The following TXK variants were observed in gnomAD, a reference collection of about 807,000 sequenced individuals.
TXK encodes TXK tyrosine kinase.
TXK carries 60 observed loss-of-function variants against 81.0 expected under a neutral mutation model. The ratio of observed to expected loss-of-function variants is 0.74; its 90% CI spans 0.60 to 0.92. The LOEUF is 0.92. TXK is among the 40% of genes least tolerant of loss of function. The pLI is 0.00. For synonymous variants in TXK, 203 were observed against 210.7 expected, an observed-to-expected ratio of 0.96 and a Z score of 0.32; for missense variants, 581 against 638.3, an observed-to-expected ratio of 0.91 and a Z score of 0.97.
chr4:48,067,208 A>T lies in TXK; in HGVS notation c.*429T>A, dbSNP rs1453196925. On this transcript the variant is annotated 3_prime_UTR_variant, in exon 15 of 15. Transcript: ENST00000264316. The stretch of plus-strand genomic sequence containing the variant: ...GAAATTCTTCAAGGGAGTCCCCTTT[A>T]TCCCATGAGTTGGAAGAATTTATTT... 6.3e-6 allele frequency: 1 copy of T among 159,886 alleles called. No homozygotes were observed. The highest frequency in any genetic ancestry group is 2.4e-5 in the African/African-American group (1 of 41,542). 9.9% of individuals were successfully genotyped at this position (159,886 alleles called of 1,614,324 possible).
intron 8 of TXK, among the ~76,000 whole-genome samples, chr4:48,093,156 C>A (rs187995540): frequency 6.6e-6 from 1 of 152,302 alleles, no homozygotes; most frequent in East Asian, 1.9e-4. Context: ...AGATATTTTA[C>A]CCTCACTCCT....
intron 9 of TXK, 96 bp downstream of exon 9, chr4:48,089,654 A>C: frequency 9.8e-7 from 1 of 1,022,430 alleles, no homozygotes; most frequent in Non-Finnish European, 1.5e-6. Flanking sequence ...TGCCTCCCAA[A>C]GTGCTAGGAT....
chr4:48,120,172 CGTAT>C (rs1560361747), intron 1 of TXK, among the ~76,000 whole-genome samples: 1 of 33,568 alleles, frequency 3.0e-5, no homozygotes, highest in Non-Finnish European at 6.9e-5. Flanking sequence ...TATGTATATA[CGTAT>C]ATGTGTATAT....
At chr4:48,100,134 A>C (rs1287768419) in intron 6 of TXK, among the ~76,000 whole-genome samples, 2 of 138,480 alleles carry the variant, frequency 1.4e-5, no homozygotes, top group Non-Finnish European at 3.1e-5. Flanking sequence ...ATCGCGCCAC[A>C]GCACTCCCGC....
At chr4:48,077,456 C>T (rs929039324) in intron 11 of TXK, among the ~76,000 whole-genome samples, 4 of 151,238 alleles carry the variant, frequency 2.6e-5, no homozygotes, top group African/African-American at 4.9e-5. Context: ...TCATTGTTCA[C>T]GGACATATTT....
In TXK at chr4:48,106,596, C is replaced by T. The variant is rs1219283895; in HGVS notation, c.447-1641G>A. The stretch of plus-strand genomic sequence containing the variant: ...TGTGAACACCTCTGGTCTCATGTCC[C>T]AATCTTAGATTTCTATAAGTAAACA... On this transcript the variant is annotated intron_variant, in intron 5 of 14. Coordinates refer to ENST00000264316, the MANE Select transcript of TXK (RefSeq NM_003328.3). Among the ~76,000 whole-genome samples the T allele has an allele frequency of 1.1e-4, 17 of 152,072 alleles. No homozygotes were observed. In the East Asian group the frequency reaches 2.9e-3, roughly 26 times the overall value.
chr4:48,094,152 G>A lies in TXK; in HGVS notation c.634C>T (p.Gln212Ter). Residue 212 changes from glutamine (Q) to a stop codon, truncating the protein, a stop_gained, in exon 8 of 15, where the codon CAG becomes TAG. Transcript: ENST00000264316. LOFTEE classifies it high-confidence loss of function. ...HYQIKKNDSG[Q>*]WYVAERHAFQ... is the part of the protein sequence containing the mutation. ...GCGTGTCTTTCAGCCACATACCACT[G>A]TCCTGAGTCATTCTTTTTTATCTGA... is the stretch of plus-strand genomic sequence containing the variant. 1 of 1,613,816 alleles carries A rather than the reference G, an allele frequency of 6.2e-7. No individual in the cohort carries two copies. The highest frequency in any genetic ancestry group is 8.5e-7 in the Non-Finnish European group (1 of 1,179,954).
At chr4:48,112,961 C>A (rs1463048451) in intron 3 of TXK, among the ~76,000 whole-genome samples, 3 of 152,038 alleles carry the variant, frequency 2.0e-5, no homozygotes, top group African/African-American at 7.2e-5. Context: ...TGACAGAAGC[C>A]AGAATATGTT....
At chr4:48,105,521 C>G (rs1718424839) in intron 5 of TXK, among the ~76,000 whole-genome samples, 1 of 152,002 alleles carries the variant, frequency 6.6e-6, no homozygotes, top group Non-Finnish European at 1.5e-5. Flanking sequence ...ACTGGGAACT[C>G]CCAAAGCAGG....
Position 48,067,671 on chromosome 4 carries a change from A to C in TXK, c.1550T>G (p.Leu517Arg), listed in dbSNP as rs777485377. 6.2e-7 allele frequency: 1 copy of C among 1,614,120 alleles called. No homozygotes were observed. ...TTCCGCAATCTCTGTGACAGCCCGC[A>C]GCAGCTCGGCAAATGTAGGGCGGCC... ...PEGRPTFAEL[L>R]RAVTEIAETW Residue 517 changes from leucine (L) to arginine (R), a missense_variant, in exon 15 of 15, where the codon CTG becomes CGG. Leu to Arg is a moderately radical substitution (Grantham distance 102). Transcript: ENST00000264316.
At chr4:48,078,047 G>C (rs1033910046) in intron 11 of TXK, among the ~76,000 whole-genome samples, 1 of 152,150 alleles carries the variant, frequency 6.6e-6, no homozygotes, top group Non-Finnish European at 1.5e-5. Context: ...TAATTGGTCT[G>C]GGGTACGGCC....
At chr4:48,107,393 C>T (rs550230177) in intron 5 of TXK, among the ~76,000 whole-genome samples, 1 of 151,564 alleles carries the variant, frequency 6.6e-6, no homozygotes, top group African/African-American at 2.4e-5. Context: ...ACCCTCCCCC[C>T]AAAACACACA....
At chr4:48,084,923 C>CGAGAATGGG (rs1234656236) in intron 10 of TXK, among the ~76,000 whole-genome samples, 1 of 150,860 alleles carries the variant, frequency 6.6e-6, no homozygotes, top group Admixed American at 6.6e-5. Flanking sequence ...TCCAGTTAAT[C>CGAGAATGGG]ACCTCTGATT....
chr4:48,080,145 T>C lies in TXK; in HGVS notation c.957-17A>G, dbSNP rs146042206. The C allele has an allele frequency of 6.3e-7, 1 of 1,582,558 alleles. No homozygotes were observed. The highest frequency in any genetic ancestry group is 8.7e-7 in the Non-Finnish European group (1 of 1,151,416). On this transcript the variant is annotated splice_polypyrimidine_tract_variant and intron_variant, in intron 10 of 14. Coordinates refer to ENST00000264316, the MANE Select transcript of TXK (RefSeq NM_003328.3). ...GATAATTTCCTGGTGAAGAAAAACA[T>C]ACACCAGTGAGCAGAATTGTGTTTG...
chr4:48,099,071 A>G (rs1372201318), intron 6 of TXK, among the ~76,000 whole-genome samples: 1 of 152,236 alleles, frequency 6.6e-6, no homozygotes, highest in Non-Finnish European at 1.5e-5. Context: ...CTATATTAAA[A>G]TTATAAAAGA....
chr4:48,107,109 T>A (rs1268380515), intron 5 of TXK, among the ~76,000 whole-genome samples: 1 of 151,574 alleles, frequency 6.6e-6, no homozygotes, highest in African/African-American at 2.4e-5. Flanking sequence ...TTCCAAAAAT[T>A]TAATTAACTG....
At chr4:48,119,325 G>A (rs561192519) in intron 1 of TXK, among the ~76,000 whole-genome samples, 5 of 152,156 alleles carry the variant, frequency 3.3e-5, no homozygotes, top group Non-Finnish European at 7.4e-5. Flanking sequence ...CAAAGAAGTT[G>A]ATCTTCTAAA....
At chr4:48,119,365 T>C (rs547260086) in intron 1 of TXK, among the ~76,000 whole-genome samples, 2 of 152,302 alleles carry the variant, frequency 1.3e-5, no homozygotes, top group South Asian at 4.1e-4. Context: ...TACTTACCTT[T>C]CTCTGATTTG....
chr4:48,107,460 C>T (rs1340723126), intron 5 of TXK, among the ~76,000 whole-genome samples: 1 of 151,954 alleles, frequency 6.6e-6, no homozygotes, highest in African/African-American at 2.4e-5. Flanking sequence ...CCCAACATCC[C>T]CCATCTGAAT....
Sources: allele counts gnomAD v4.1 joint callset (sites outside exome capture counted in the v4.1 genomes callset), GRCh38; gene constraint gnomAD v4.1.1; transcripts MANE v1.5; gene names NCBI Gene and HGNC (gene_info 2026-07-23, HGNC 2026-07-21).